TEX14: variants seen among roughly 807,000 people sequenced by gnomAD.
TEX14 encodes the protein inactive serine/threonine-protein kinase TEX14.
Under a neutral mutation model 178.6 loss-of-function variants are expected in TEX14, and 168 were observed. The observed-to-expected ratio is 0.94, with a 90% CI of 0.83 to 1.07. The LOEUF is 1.07. Among genes scored for constraint, TEX14 ranks in the 50% least tolerant of loss-of-function variants. The pLI is 0.00. For synonymous variants in TEX14, 626 were observed against 634.1 expected (o/e 0.99, Z 0.19); for missense variants, 1,730 against 1,753.6 (o/e 0.99, Z 0.24).
In TEX14 at chr17:58,593,437, C is replaced by A. The variant is rs968635388; in HGVS notation, c.2576+118G>T. ...GGAGAACCTGCCAATCTGCATTACT[C>A]TTCTTCATCACTCACAGTCCTTTTG... On this transcript the variant is annotated intron_variant, in intron 15 of 31. Coordinates refer to ENST00000349033, the MANE Select transcript of TEX14 (RefSeq NM_031272.5). 3 of 770,518 alleles carry A rather than the reference C, an allele frequency of 3.9e-6. No individual in the cohort carries two copies. The Admixed American group carries it at 6.8e-5, about 17-fold the overall frequency. 47.7% of individuals were successfully genotyped at this position (770,518 alleles called of 1,614,324 possible). A position where few individuals can be genotyped will look rare whatever the true frequency, so the allele number is the denominator to read the frequency against.
intron 9 of TEX14, among the ~76,000 whole-genome samples, chr17:58,613,156 C>T (rs189032639): frequency 1.2e-4 from 18 of 151,668 alleles, no homozygotes; most frequent in Non-Finnish European, 2.4e-4. Context: ...AAGCCAAGAT[C>T]GCGCCACTGC....
intron 28 of TEX14, chr17:58,564,392 C>CTAAGT (rs2044353275): frequency 6.6e-6 from 1 of 152,236 alleles, no homozygotes; most frequent in African/African-American, 2.4e-5. Flanking sequence ...GGACATTACG[C>CTAAGT]TAAGTTAAAA....
chr17:58,599,038 C>T lies in TEX14; in HGVS notation c.2307G>A (p.Met769Ile), dbSNP rs2045361716. 6.2e-7 allele frequency: 1 copy of T among 1,614,120 alleles called. No homozygotes were observed. Among genetic ancestry groups the T allele is most frequent in the Non-Finnish European group, 8.5e-7 (1 of 1,180,014 alleles). ...ACTCTCTTGAAGTGGCCCATAAAGA[C>T]ATGCGCTCTTCCTGTTCCTTCTGTT... ...EMKQKEQEERMSLWATSREFT... is the reference protein window; with the variant it reads ...EMKQKEQEERISLWATSREFT... Residue 769 changes from methionine (M) to isoleucine (I), a missense_variant, in exon 14 of 32, where the codon ATG becomes ATA. By Grantham distance (10) the Met-to-Ile change is conservative (BLOSUM62 1). Coordinates refer to ENST00000349033, the MANE Select transcript of TEX14 (RefSeq NM_031272.5).
intron 2 of TEX14, among the ~76,000 whole-genome samples, chr17:58,630,779 A>T (rs1267784217): frequency 6.6e-6 from 1 of 152,220 alleles, no homozygotes; most frequent in Non-Finnish European, 1.5e-5. Flanking sequence ...GTTGCATTGA[A>T]GCATTTAGTT....
Position 58,613,485 on chromosome 17 carries a change from T to C in TEX14, c.941A>G (p.Glu314Gly). 1 of 1,614,076 alleles carries C rather than the reference T, an allele frequency of 6.2e-7. No individual in the cohort carries two copies. ...LMAVCLSQDL[E>G]KTRLVYERIT... is the part of the protein sequence containing the mutation. Reference sequence around the variant, plus strand: ...GCGCTCGTACACAAGGCGGGTTTTCTCTAGGTCCTGGGAGAGACACACAGC... The same window carrying C: ...GCGCTCGTACACAAGGCGGGTTTTCCCTAGGTCCTGGGAGAGACACACAGC... Residue 314 changes from glutamate (E) to glycine (G), a missense_variant, in exon 9 of 32, where the codon GAG becomes GGG. Transcript: ENST00000349033.
At chr17:58,684,050 C>T (rs302880) in intron 1 of TEX14, among the ~76,000 whole-genome samples, 36,414 of 150,992 alleles carry the variant, frequency 0.24, 5,268 homozygotes, top group Middle Eastern at 0.42. Context: ...GGCTACAGAG[C>T]GATAGGACCT....
chr17:58,605,097 C>T lies in TEX14; in HGVS notation c.1217G>A (p.Arg406Gln), dbSNP rs143065939. 21 of 1,614,114 alleles carry T rather than the reference C, an allele frequency of 1.3e-5. No individual in the cohort carries two copies. Among genetic ancestry groups the T allele is most frequent in the South Asian group, 2.2e-5 (2 of 91,076 alleles). ...GTATAGCTGCGTAGGAAGGGGCACT[C>T]GAGTCAGGTCCCTCTGTACACCTCT... ...EDRGVQRDLT[R>Q]VPLPTQLYNW... The change falls in exon 11 of 32, where the codon CGA becomes CAA. Residue 406 changes from arginine (R) to glutamine (Q), a missense_variant. By Grantham distance (43) the Arg-to-Gln change is conservative. This residue lies in a region of TEX14 where 789 missense variants were observed against 681.2 expected (regional missense o/e 1.16). Coordinates refer to ENST00000349033, the MANE Select transcript of TEX14 (RefSeq NM_031272.5).
At chr17:58,559,064 G>GGAGGCT (rs2044216767) in intron 30 of TEX14, among the ~76,000 whole-genome samples, 1 of 152,148 alleles carries the variant, frequency 6.6e-6, no homozygotes, top group Admixed American at 6.5e-5. Flanking sequence ...CAGCTACTCA[G>GGAGGCT]GAGGCTGAGG....
chr17:58,613,490 G>A lies in TEX14; in HGVS notation c.936C>T (p.Asp312=). The A allele has an allele frequency of 6.2e-7, 1 of 1,614,102 alleles. No homozygotes were observed. Among genetic ancestry groups the A allele is most frequent in the Non-Finnish European group, 8.5e-7 (1 of 1,179,988 alleles). ...CGTACACAAGGCGGGTTTTCTCTAG[G>A]TCCTGGGAGAGACACACAGCCATCA... ...LQLMAVCLSQ[D]LEKTRLVYER... Residue 312 remains aspartate, a synonymous_variant, in exon 9 of 32, where the codon GAC becomes GAT. Coordinates refer to ENST00000349033, the MANE Select transcript of TEX14 (RefSeq NM_031272.5).
At chr17:58,635,746 T>A (rs1261782160) in intron 2 of TEX14, among the ~76,000 whole-genome samples, 2 of 150,054 alleles carry the variant, frequency 1.3e-5, no homozygotes, top group African/African-American at 4.9e-5. Flanking sequence ...GGGCTTCTCT[T>A]TTTTTTTGAG....
At position 58,559,454 on chromosome 17, in the gene TEX14, T is replaced by C; in HGVS notation, c.4266A>G (p.Glu1422=). ...KSEGVLGTSE[E]DELKSCFWKR... is the part of the protein sequence containing the mutation. ...TTATAAACATACATTAATTCATACC[T>C]TCTTCAGAAGTCCCTAGAACACCCT... Residue 1422 remains glutamate (E), a splice_region_variant and synonymous_variant, in exon 30 of 32, where the codon GAA becomes GAG. Coordinates refer to ENST00000349033, the MANE Select transcript of TEX14 (RefSeq NM_031272.5). 7.6e-7 allele frequency: 1 copy of C among 1,323,550 alleles called. No individual in the cohort carries two copies. Among genetic ancestry groups the C allele is most frequent in the Non-Finnish European group, 1.1e-6 (1 of 920,560 alleles). 82.0% of individuals were successfully genotyped at this position (1,323,550 alleles called of 1,614,324 possible).
chr17:58,578,130 A>G (rs1322532772), intron 20 of TEX14, among the ~76,000 whole-genome samples: 1 of 152,064 alleles, frequency 6.6e-6, no homozygotes, highest in Non-Finnish European at 1.5e-5. Context: ...CCCCACCCCC[A>G]TCCCATTCCT....
chr17:58,579,787 T>C, intron 19 of TEX14, 56 bp from the exon 20 acceptor site: 1 of 1,317,416 alleles, frequency 7.6e-7, no homozygotes, highest in Non-Finnish European at 1.1e-6. Flanking sequence ...GCAGACATAT[T>C]AAAAGGTCAA....
intron 1 of TEX14, among the ~76,000 whole-genome samples, chr17:58,684,429 T>G (rs1276311896): frequency 6.7e-6 from 1 of 149,572 alleles, no homozygotes; most frequent in Non-Finnish European, 1.5e-5. Flanking sequence ...ACCATTGCAC[T>G]CCAGCCTGGG....
At chr17:58,629,217 G>A (rs2046221402) in intron 3 of TEX14, among the ~76,000 whole-genome samples, 1 of 151,986 alleles carries the variant, frequency 6.6e-6, no homozygotes, top group Admixed American at 6.6e-5. Flanking sequence ...TCCCAGCACT[G>A]TGGGAGGCCA....
chr17:58,679,609 C>G (rs190199771), intron 1 of TEX14: 1 of 152,346 alleles, frequency 6.6e-6, no homozygotes, highest in East Asian at 1.9e-4. Context: ...CAGGGGTCAG[C>G]ACATCCACAA....
chr17:58,583,877 T>A (rs527810420), intron 19 of TEX14, among the ~76,000 whole-genome samples: 1 of 152,376 alleles, frequency 6.6e-6, no homozygotes, highest in South Asian at 2.1e-4. Context: ...ATTGTATTCA[T>A]ATATTGTATC....
chr17:58,630,006 C>T (rs1261250463), intron 3 of TEX14, among the ~76,000 whole-genome samples: 1 of 148,780 alleles, frequency 6.7e-6, no homozygotes, highest in Non-Finnish European at 1.5e-5. Context: ...CATGCCCGGC[C>T]TAAACTCTGA....
intron 14 of TEX14, among the ~76,000 whole-genome samples, chr17:58,598,650 G>A (rs2045351648): frequency 6.6e-6 from 1 of 152,144 alleles, no homozygotes; most frequent in East Asian, 1.9e-4. Flanking sequence ...CTTGCTATGA[G>A]TCAGTTGCAT....
Sources: gnomAD v4.1 joint callset for allele counts (sites outside exome capture counted in the v4.1 genomes callset) on GRCh38, gnomAD v4.1.1 for gene constraint, gnomAD v4.1.1 regional missense constraint, MANE v1.5 for transcripts, NCBI Gene and HGNC (gene_info 2026-07-23, HGNC 2026-07-21) for gene names.